Variants in TRNT1 observed in about 807,000 individuals in gnomAD.
The protein encoded by TRNT1 is CCA tRNA nucleotidyltransferase 1, mitochondrial.
Under a neutral mutation model 45.6 loss-of-function variants are expected in TRNT1, and 44 were observed. The observed-to-expected ratio is 0.97, with a 90% CI of 0.76 to 1.24. TRNT1 has a LOEUF of 1.24. Among genes scored for constraint, TRNT1 ranks in the 50% most tolerant of loss-of-function variants. TRNT1 has a pLI of 0.00. For missense variants in TRNT1, 633 were observed against 504.4 expected, an observed-to-expected ratio of 1.25 and a Z score of -2.44; for synonymous variants, 201 against 171.4, an observed-to-expected ratio of 1.17 and a Z score of -1.35.
intron 4 of TRNT1, among the ~76,000 whole-genome samples, chr3:3,141,453 T>C (rs62228618): frequency 0.039 from 6,000 of 152,278 alleles, 238 homozygotes; most frequent in African/African-American, 0.11. Context: ...TTCAGCACTT[T>C]TTACTGCTGA....
Position 3,147,548 on chromosome 3 carries a change from A to G in TRNT1, c.901A>G (p.Lys301Glu), listed in dbSNP as rs1706126650. 1 of 1,613,992 alleles carries G rather than the reference A, an allele frequency of 6.2e-7. No individual in the cohort carries two copies. Among genetic ancestry groups the G allele is most frequent in the African/African-American group, 1.3e-5 (1 of 75,050 alleles). ...AGTGACTCTTTTGGCCTCATTATTC[A>G]AAGTACAAGATGATGTCACAAAATT... ...KPVTLLASLF[K>E]VQDDVTKLDL... Residue 301 changes from lysine (K) to glutamate (E), a missense_variant, in exon 7 of 8, where the codon AAA (lysine) becomes GAA (glutamate). By Grantham distance (56) the Lys-to-Glu change is moderately conservative (BLOSUM62 1). Transcript: ENST00000251607.
downstream of TRNT1, among the ~76,000 whole-genome samples, chr3:3,151,685 A>AAGAT (rs993636327): frequency 1.8e-4 from 27 of 152,318 alleles, no homozygotes; most frequent in African/African-American, 6.5e-4. Flanking sequence ...GGTGCCAAGT[A>AAGAT]AGATAGGGCA....
At chr3:3,134,585 T>C (rs1442947340) in intron 2 of TRNT1, among the ~76,000 whole-genome samples, 2 of 152,178 alleles carry the variant, frequency 1.3e-5, no homozygotes, top group Non-Finnish European at 2.9e-5. Context: ...TTGACCTTCT[T>C]CATCCCACTG....
intron 2 of TRNT1, among the ~76,000 whole-genome samples, chr3:3,133,089 A>G (rs539310676): frequency 1.2e-4 from 18 of 152,274 alleles, no homozygotes; most frequent in Admixed American, 6.5e-4. Flanking sequence ...TCCTGTACCA[A>G]TTTTCAAATC....
At chr3:3,127,940 A>G (rs1374029637) in intron 1 of TRNT1, 1 of 152,220 alleles carries the variant, frequency 6.6e-6, no homozygotes, top group Non-Finnish European at 1.5e-5. Context: ...TTATTTCTGT[A>G]ACCAGGTACG....
At chr3:3,142,383 A>G (rs1410289676) in intron 4 of TRNT1, among the ~76,000 whole-genome samples, 3 of 152,198 alleles carry the variant, frequency 2.0e-5, no homozygotes, top group Admixed American at 2.0e-4. Flanking sequence ...CTGCTATTTA[A>G]CCGATGGTAA....
intron 2 of TRNT1, chr3:3,129,866 C>T (rs1704891939): frequency 6.4e-7 from 1 of 1,550,498 alleles, no homozygotes; most frequent in Non-Finnish European, 8.7e-7. Flanking sequence ...CGAACTTACG[C>T]AGATTGATTT....
intron 2 of TRNT1, among the ~76,000 whole-genome samples, chr3:3,133,132 T>G (rs1323600094): frequency 6.6e-6 from 1 of 152,178 alleles, no homozygotes; most frequent in African/African-American, 2.4e-5. Flanking sequence ...TAAAATTAGT[T>G]TTCAGTATGC....
downstream of TRNT1, chr3:3,152,610 A>G (rs113011046): frequency 7.4e-6 from 12 of 1,613,966 alleles, no homozygotes; most frequent in Admixed American, 2.0e-4. Flanking sequence ...ATCAACATGG[A>G]GAACACGTCA....
intron 2 of TRNT1, chr3:3,130,029 G>GCCGGACT (rs113671187): frequency 6.7e-7 from 1 of 1,495,160 alleles, no homozygotes; most frequent in African/African-American, 1.4e-5. Flanking sequence ...TTAGCTAAGT[G>GCCGGACT]CCAGTAGCTT....
intron 2 of TRNT1, chr3:3,130,044 C>A: frequency 7.4e-7 from 1 of 1,346,630 alleles, no homozygotes; most frequent in Non-Finnish European, 1.0e-6. Context: ...TAGCTTCTTG[C>A]TGTTGCCACA....
At chr3:3,153,377 A>T (rs759405801), downstream of TRNT1, 2 of 1,059,590 alleles carry the variant, frequency 1.9e-6, no homozygotes, top group South Asian at 1.3e-5. Flanking sequence ...AGTCTTCATT[A>T]TAATTCTGAT....
rs543404573 is a variant in TRNT1 at position 3,128,471 on chromosome 3, C to T, written c.-27-543C>T. Among the ~76,000 whole-genome samples the T allele has an allele frequency of 3.3e-5, 5 of 152,060 alleles. No individual in the cohort carries two copies. The South Asian group carries it at 8.3e-4, about 25-fold the overall frequency. On this transcript the variant is annotated intron_variant, in intron 1 of 7. Coordinates refer to ENST00000251607, the MANE Select transcript of TRNT1 (RefSeq NM_182916.3). The stretch of plus-strand genomic sequence containing the variant: ...AAAATTAGCCGGATGTGGTGGTGTG[C>T]GCCTGTAATCCCTGCTACTTGGGAT...
At chr3:3,137,991 T>G (rs1227632442) in intron 3 of TRNT1, among the ~76,000 whole-genome samples, 1 of 152,254 alleles carries the variant, frequency 6.6e-6, no homozygotes, top group Non-Finnish European at 1.5e-5. Flanking sequence ...AATTTATTCC[T>G]GCACTCTGTG....
At position 3,147,767 on chromosome 3, in the gene TRNT1, T is replaced by C. The variant is rs553779115; in HGVS notation, c.1056+64T>C. Reference sequence around the variant, plus strand: ...CGTCACGAATTTAGAATTAATTTATTAAAACTAAGATCTACAAATCTGTGA... The same window carrying C: ...CGTCACGAATTTAGAATTAATTTATCAAAACTAAGATCTACAAATCTGTGA... On this transcript the variant is annotated intron_variant, in intron 7 of 7. Transcript: ENST00000251607. The C allele has an allele frequency of 3.1e-5, 47 of 1,534,350 alleles. 1 individual carries two copies. In the South Asian group the frequency reaches 5.5e-4, roughly 18 times the overall value.
At chr3:3,135,038 AGAG>A (rs1335878217) in intron 2 of TRNT1, among the ~76,000 whole-genome samples, 1 of 148,432 alleles carries the variant, frequency 6.7e-6, no homozygotes, top group African/African-American at 2.6e-5. Context: ...ATTAAAAAAA[AGAG>A]AGAATAGAAT....
chr3:3,146,671 G>T, intron 6 of TRNT1, 48 bp downstream of exon 6: 3 of 1,442,104 alleles, frequency 2.1e-6, no homozygotes, highest in South Asian at 1.4e-5. Context: ...TGAAATATCT[G>T]GTTTCAAATT....
rs1705389892 is a variant in TRNT1, at chr3:3,137,352, G to A, written c.241G>A (p.Ala81Thr). Residue 81 changes from alanine (A) to threonine (T), a missense_variant, in exon 3 of 8, where the codon GCC (alanine) becomes ACC (threonine). Coordinates refer to ENST00000251607, the MANE Select transcript of TRNT1 (RefSeq NM_182916.3). ...NGVKPQDIDF[A>T]TTATPTQMKE... is the part of the protein sequence containing the mutation. ...AGTAAAGCCTCAGGATATAGATTTTGCCACCACTGCTACCCCTACTCAAAT... is the reference window on the plus strand; with the variant it reads ...AGTAAAGCCTCAGGATATAGATTTTACCACCACTGCTACCCCTACTCAAAT... 6.2e-7 allele frequency: 1 copy of A among 1,613,862 alleles called. No individual in the cohort carries two copies. The highest frequency in any genetic ancestry group is 8.5e-7 in the Non-Finnish European group (1 of 1,179,900).
At position 3,140,579 on chromosome 3, in the gene TRNT1, G is replaced by A. The variant is rs907649149; in HGVS notation, c.412G>A (p.Val138Ile). 3 of 1,614,178 alleles carry A rather than the reference G, an allele frequency of 1.9e-6. No homozygotes were observed. Among genetic ancestry groups the A allele is most frequent in the Non-Finnish European group, 2.5e-6 (3 of 1,180,018 alleles). Reference protein sequence around the residue: ...DVTTDGRHAEVEFTTDWQKDA... With the variant: ...DVTTDGRHAEIEFTTDWQKDA... ...CACCACTGATGGAAGACATGCTGAGGTAGAATTTACAACTGACTGGCAGAA... is the reference window on the plus strand; with the variant it reads ...CACCACTGATGGAAGACATGCTGAGATAGAATTTACAACTGACTGGCAGAA... Residue 138 changes from valine to isoleucine, a missense_variant, in exon 4 of 8, where the codon GTA (valine) becomes ATA (isoleucine). Coordinates refer to ENST00000251607, the MANE Select transcript of TRNT1 (RefSeq NM_182916.3).
Sources: gnomAD v4.1 joint callset for allele counts (sites outside exome capture counted in the v4.1 genomes callset) on GRCh38, gnomAD v4.1.1 for gene constraint, MANE v1.5 for transcripts, NCBI Gene and HGNC (gene_info 2026-07-23, HGNC 2026-07-21) for gene names.